CDH13: variants seen among roughly 807,000 people sequenced by gnomAD.
CDH13 encodes cadherin 13.
Under a neutral mutation model 63.8 loss-of-function variants are expected in CDH13, and 24 were observed. That is an observed-to-expected ratio of 0.38 (90% confidence interval 0.27 to 0.53). The LOEUF (loss-of-function observed/expected upper bound fraction) is 0.53, where lower values mean the gene tolerates loss of function less well. CDH13 is among the 20% of genes least tolerant of loss of function. CDH13 has a pLI of 0.85. For missense variants in CDH13, 1,049 were observed against 903.1 expected (o/e 1.16, Z -2.07); for synonymous variants, 503 against 355.3 (o/e 1.42, Z -4.67).
chr16:82,783,124 G>T (rs1462625940), intron 1 of CDH13, among the ~76,000 whole-genome samples: 2 of 152,218 alleles, frequency 1.3e-5, no homozygotes, highest in Non-Finnish European at 2.9e-5. Flanking sequence ...TTATTGCAGG[G>T]TTGGCACCGA....
intron 5 of CDH13, among the ~76,000 whole-genome samples, chr16:83,236,884 C>T (rs2040160314): frequency 6.6e-6 from 1 of 151,976 alleles, no homozygotes; most frequent in East Asian, 1.9e-4. Context: ...TGGAACTAGA[C>T]AGAGGTGGTG....
At chr16:83,180,529 G>C (rs1243332678) in intron 4 of CDH13, among the ~76,000 whole-genome samples, 1 of 152,170 alleles carries the variant, frequency 6.6e-6, no homozygotes, top group Non-Finnish European at 1.5e-5. Flanking sequence ...AATGACATCA[G>C]ATCTGTAAAG....
chr16:82,893,391 C>T (rs2041147961), intron 2 of CDH13, among the ~76,000 whole-genome samples: 1 of 152,208 alleles, frequency 6.6e-6, no homozygotes, highest in Non-Finnish European at 1.5e-5. Flanking sequence ...CCAAAAAGAA[C>T]TGAGTGTGCA....
intron 10 of CDH13, among the ~76,000 whole-genome samples, chr16:83,720,430 C>T (rs1380578485): frequency 6.6e-6 from 1 of 152,118 alleles, no homozygotes; most frequent in Admixed American, 6.5e-5. Context: ...TACTGCATAC[C>T]AGCATTATGC....
chr16:82,645,116 A>T (rs1347766725), intron 1 of CDH13, among the ~76,000 whole-genome samples: 3 of 152,096 alleles, frequency 2.0e-5, no homozygotes, highest in Non-Finnish European at 2.9e-5. Context: ...CTCACAGATC[A>T]CACTTCTGAA....
intron 3 of CDH13, among the ~76,000 whole-genome samples, chr16:83,072,772 C>G (rs2032532625): frequency 6.6e-6 from 1 of 152,116 alleles, no homozygotes; most frequent in South Asian, 2.1e-4. Flanking sequence ...ACACCCCTCA[C>G]TAGTAGAAAT....
intron 2 of CDH13, among the ~76,000 whole-genome samples, chr16:82,947,046 G>GTGTGTGTGTGTA (rs376101509): frequency 6.7e-6 from 1 of 149,666 alleles, no homozygotes; most frequent in South Asian, 2.1e-4. Flanking sequence ...GTGTGTGTGT[G>GTGTGTGTGTGTA]TGATGTTGTA....
At chr16:83,244,754 G>A (rs926546433) in intron 5 of CDH13, among the ~76,000 whole-genome samples, 2 of 152,132 alleles carry the variant, frequency 1.3e-5, no homozygotes, top group South Asian at 2.1e-4. Context: ...GCTTTCAAGC[G>A]GAGTCACACG....
In CDH13 at chr16:82,963,725, G is replaced by C. The variant is rs138246931; in HGVS notation, c.158-68285G>C. On this transcript the variant is annotated intron_variant, in intron 2 of 13. Coordinates refer to ENST00000567109, the MANE Select transcript of CDH13 (RefSeq NM_001257.5). ...TACAATTCCCAGTGTACAGTAAGCA[G>C]TCCATAAAGCTGGATGATTACTCTG... is the stretch of plus-strand genomic sequence containing the variant. 5.1e-3 allele frequency among the ~76,000 whole-genome samples: 775 copies of C among 152,244 alleles called. 3 individuals are homozygous for C. The highest frequency in any genetic ancestry group is 0.034 in the Middle Eastern group (10 of 294).
At chr16:83,654,224 C>T (rs1912659312) in intron 8 of CDH13, among the ~76,000 whole-genome samples, 1 of 151,778 alleles carries the variant, frequency 6.6e-6, no homozygotes, top group African/African-American at 2.4e-5. Context: ...AAAGTAATTG[C>T]AGTTTTTGCA....
At chr16:82,795,653 G>A (rs62036788) in intron 1 of CDH13, among the ~76,000 whole-genome samples, 5,484 of 152,196 alleles carry the variant, frequency 0.036, 155 homozygotes, top group Admixed American at 0.062. Context: ...TAAGTAGGGG[G>A]ACAGAGACCT....
intron 5 of CDH13, among the ~76,000 whole-genome samples, chr16:83,281,747 T>TAAAAA (rs58599942): frequency 1.5e-5 from 2 of 134,430 alleles, no homozygotes; most frequent in Non-Finnish European, 3.2e-5. Context: ...CATCTGTGCT[T>TAAAAA]AAAAAAAAAA....
intron 4 of CDH13, among the ~76,000 whole-genome samples, chr16:83,160,870 T>G (rs1194968827): frequency 6.6e-6 from 1 of 152,154 alleles, no homozygotes. Context: ...TCCACACAAG[T>G]GTTTGTCTGG....
At chr16:82,906,213 T>G (rs550078738) in intron 2 of CDH13, among the ~76,000 whole-genome samples, 10 of 152,300 alleles carry the variant, frequency 6.6e-5, no homozygotes, top group Non-Finnish European at 1.2e-4. Flanking sequence ...CATTTCAGGC[T>G]TTCAGATGTT....
intron 10 of CDH13, among the ~76,000 whole-genome samples, chr16:83,680,359 G>A (rs1330950126): frequency 6.6e-6 from 1 of 152,162 alleles, no homozygotes; most frequent in Admixed American, 6.5e-5. Flanking sequence ...CAGCACAGAG[G>A]GCCGCTGACT....
At chr16:83,394,602 C>T (rs574957171) in intron 6 of CDH13, among the ~76,000 whole-genome samples, 4 of 152,248 alleles carry the variant, frequency 2.6e-5, no homozygotes, top group East Asian at 1.9e-4. Flanking sequence ...AATGGTGAGC[C>T]GCCAAGGTTT....
intron 6 of CDH13, among the ~76,000 whole-genome samples, chr16:83,382,467 G>C (rs544647799): frequency 6.6e-6 from 1 of 152,026 alleles, no homozygotes; most frequent in Non-Finnish European, 1.5e-5. Flanking sequence ...ACATTTCACT[G>C]CGTACACTCT....
chr16:83,720,965 G>A (rs1258890650), intron 10 of CDH13, among the ~76,000 whole-genome samples: 3 of 152,230 alleles, frequency 2.0e-5, no homozygotes, highest in Non-Finnish European at 1.5e-5. Context: ...CCTCAGGAAC[G>A]AGTCTTCCTG....
At chr16:83,254,173 T>G (rs1015270816) in intron 5 of CDH13, among the ~76,000 whole-genome samples, 2 of 152,148 alleles carry the variant, frequency 1.3e-5, no homozygotes, top group Non-Finnish European at 2.9e-5. Context: ...ATCAGGTGGT[T>G]ATGAGTCCTG....
Sources: gnomAD v4.1 joint callset for allele counts (sites outside exome capture counted in the v4.1 genomes callset) on GRCh38, gnomAD v4.1.1 for gene constraint, MANE v1.5 for transcripts, NCBI Gene and HGNC (gene_info 2026-07-23, HGNC 2026-07-21) for gene names.